Variants in LDAH observed in about 807,000 individuals in gnomAD.
LDAH encodes lipid droplet-associated hydrolase.
A neutral mutation model predicts 29.6 loss-of-function variants in LDAH; 26 were observed. That is an observed-to-expected ratio of 0.88 (90% CI 0.64 to 1.22). The LOEUF (loss-of-function observed/expected upper bound fraction) is 1.22. Ranked by LOEUF, LDAH falls within the 50% of genes most tolerant of loss-of-function variation. The pLI, the probability that LDAH is intolerant of heterozygous loss-of-function variation, is 0.00. For synonymous variants in LDAH, 117 were observed against 133.0 expected (o/e 0.88, Z 0.83); for missense variants, 344 against 387.3 (o/e 0.89, Z 0.94).
intron 4 of LDAH, among the ~76,000 whole-genome samples, chr2:20,766,179 C>T (rs1041260028): frequency 2.0e-5 from 3 of 152,018 alleles, no homozygotes; most frequent in Admixed American, 6.5e-5. Context: ...ATAATACATG[C>T]CTTTACTGCA....
intron 1 of LDAH, among the ~76,000 whole-genome samples, chr2:20,804,342 A>C (rs1358434265): frequency 6.6e-6 from 1 of 152,238 alleles, no homozygotes; most frequent in Non-Finnish European, 1.5e-5. Flanking sequence ...TAAAAGGTAT[A>C]AACTTTGATT....
At chr2:20,789,738 G>A (rs1670816631) in intron 3 of LDAH, among the ~76,000 whole-genome samples, 1 of 152,168 alleles carries the variant, frequency 6.6e-6, no homozygotes, top group Non-Finnish European at 1.5e-5. Flanking sequence ...GAGCATTACC[G>A]CCTGAGCTCT....
intron 4 of LDAH, among the ~76,000 whole-genome samples, chr2:20,748,682 C>T (rs1036546132): frequency 2.0e-5 from 3 of 152,196 alleles, no homozygotes; most frequent in South Asian, 2.1e-4. Flanking sequence ...AAACAGTGTT[C>T]TCCAGGTAGC....
chr2:20,814,601 T>C (rs1259760403), intron 1 of LDAH, among the ~76,000 whole-genome samples: 1 of 152,110 alleles, frequency 6.6e-6, no homozygotes, highest in African/African-American at 2.4e-5. Flanking sequence ...GCTGAGACTA[T>C]AGGCACACAC....
chr2:20,684,302 A>G lies in LDAH; in HGVS notation c.*2601T>C, dbSNP rs543041768. ...TTCAAGTTGTGCAAATTGTCTCAAC[A>G]ATGTCTTTTATAACAAAAACATCCA... On this transcript the variant is annotated 3_prime_UTR_variant, in exon 7 of 7. Coordinates refer to ENST00000237822, the MANE Select transcript of LDAH (RefSeq NM_021925.4). 1 of 152,246 alleles carries G rather than the reference A, an allele frequency of 6.6e-6. No individual in the cohort carries two copies. The highest frequency in any genetic ancestry group is 2.4e-5 in the African/African-American group (1 of 41,554). 9.4% of individuals were successfully genotyped at this position (152,246 alleles called of 1,614,324 possible). A position where few individuals can be genotyped will look rare whatever the true frequency, so the allele number is the denominator to read the frequency against.
At chr2:20,703,680 A>G (rs987796205) in intron 5 of LDAH, among the ~76,000 whole-genome samples, 2 of 152,024 alleles carry the variant, frequency 1.3e-5, no homozygotes, top group African/African-American at 4.8e-5. Context: ...TTCTGAGTCA[A>G]TTCTTCCTGG....
intron 4 of LDAH, among the ~76,000 whole-genome samples, chr2:20,749,931 A>G (rs1473702517): frequency 1.3e-5 from 2 of 151,984 alleles, no homozygotes; most frequent in African/African-American, 4.8e-5. Flanking sequence ...CAGGTTCATA[A>G]GGGTAGCATC....
At chr2:20,740,457 C>T (rs1024132772) in intron 4 of LDAH, among the ~76,000 whole-genome samples, 3 of 152,044 alleles carry the variant, frequency 2.0e-5, no homozygotes, top group Non-Finnish European at 2.9e-5. Context: ...TACAGGTGTG[C>T]ACCACCATGC....
At chr2:20,745,945 CAGTT>C (rs1572532995) in intron 4 of LDAH, among the ~76,000 whole-genome samples, 1 of 151,944 alleles carries the variant, frequency 6.6e-6, no homozygotes, top group Admixed American at 6.6e-5. Flanking sequence ...TGTGCAAAGG[CAGTT>C]AGGGGGTGAG....
chr2:20,712,660 T>G lies in LDAH; in HGVS notation c.704-11008A>C, dbSNP rs141607546. ...CTTGAAAAAAGATTAGGTGAATGGC[T>G]AACTAGAATAAACAGTGTAGAGAAG... On this transcript the variant is annotated intron_variant, in intron 5 of 6. Coordinates refer to ENST00000237822, the MANE Select transcript of LDAH (RefSeq NM_021925.4). Among the ~76,000 whole-genome samples the G allele has an allele frequency of 6.7e-3, 1,020 of 152,236 alleles. 12 individuals carry two copies. Among genetic ancestry groups the G allele is most frequent in the African/African-American group, 0.023 (966 of 41,548 alleles).
intron 2 of LDAH, among the ~76,000 whole-genome samples, chr2:20,793,702 T>G (rs1443171391): frequency 6.6e-6 from 1 of 152,146 alleles, no homozygotes; most frequent in Non-Finnish European, 1.5e-5. Flanking sequence ...AAAAAAGTCT[T>G]CTATCTTAAA....
At chr2:20,780,492 T>C (rs537313085) in intron 3 of LDAH, among the ~76,000 whole-genome samples, 11 of 152,122 alleles carry the variant, frequency 7.2e-5, no homozygotes, top group Non-Finnish European at 1.5e-4. Context: ...TGGCTGTTAC[T>C]TGGAAAAAGC....
chr2:20,703,662 C>G (rs1664114028), intron 5 of LDAH, among the ~76,000 whole-genome samples: 1 of 152,098 alleles, frequency 6.6e-6, no homozygotes. Flanking sequence ...TAACTCTACT[C>G]AATATTTTTC....
At chr2:20,722,319 G>GC (rs1354894345) in intron 5 of LDAH, among the ~76,000 whole-genome samples, 4 of 148,092 alleles carry the variant, frequency 2.7e-5, no homozygotes, top group Non-Finnish European at 5.9e-5. Flanking sequence ...GGCAGAGTTT[G>GC]CAGTGAGCCG....
intron 5 of LDAH, among the ~76,000 whole-genome samples, chr2:20,715,995 A>AG (rs1665152061): frequency 6.6e-6 from 1 of 152,172 alleles, no homozygotes. Flanking sequence ...ATCACTGGTC[A>AG]TCAGAGAAAT....
intron 5 of LDAH, among the ~76,000 whole-genome samples, chr2:20,731,341 C>A (rs532269216): frequency 6.6e-6 from 1 of 152,258 alleles, no homozygotes; most frequent in African/African-American, 2.4e-5. Flanking sequence ...GTGTGTGGCA[C>A]CTCTCCCACT....
intron 5 of LDAH, among the ~76,000 whole-genome samples, chr2:20,701,921 C>A (rs1663971646): frequency 6.6e-6 from 1 of 152,162 alleles, no homozygotes; most frequent in Admixed American, 6.5e-5. Context: ...ATGTCAGATA[C>A]CACAGCAGAT....
At chr2:20,766,206 T>C (rs1669025913) in intron 4 of LDAH, among the ~76,000 whole-genome samples, 1 of 152,226 alleles carries the variant, frequency 6.6e-6, no homozygotes, top group African/African-American at 2.4e-5. Flanking sequence ...TTTTATTCTA[T>C]TCTATTTTAC....
chr2:20,739,959 A>G lies in LDAH; in HGVS notation c.703+12T>C, dbSNP rs1382555565. 3 of 1,588,134 alleles carry G rather than the reference A, an allele frequency of 1.9e-6. No individual in the cohort carries two copies. In the African/African-American group the frequency reaches 4.0e-5, roughly 21 times the overall value. ...CAAGAATAAACATACACATTTTAAA[A>G]TCTGTGCTTACCAAGGCAGAATGGT... is the stretch of plus-strand genomic sequence containing the variant. On this transcript the variant is annotated intron_variant, in intron 5 of 6. Coordinates refer to ENST00000237822, the MANE Select transcript of LDAH (RefSeq NM_021925.4).
Sources: allele counts gnomAD v4.1 joint callset (sites outside exome capture counted in the v4.1 genomes callset), GRCh38; gene constraint gnomAD v4.1.1; transcripts MANE v1.5; gene names NCBI Gene and HGNC (gene_info 2026-07-23, HGNC 2026-07-21).